AREL1: variants seen among roughly 807,000 people sequenced by gnomAD.
AREL1 encodes apoptosis resistant E3 ubiquitin protein ligase 1.
A neutral mutation model predicts 99.0 loss-of-function variants in AREL1; 62 were observed. The ratio of observed to expected loss-of-function variants is 0.63; its 90% CI spans 0.51 to 0.77. The LOEUF (loss-of-function observed/expected upper bound fraction) is 0.77. Among genes scored for constraint, AREL1 ranks in the 30% least tolerant of loss-of-function variants. The pLI is 0.00. For synonymous variants in AREL1, 380 were observed against 376.5 expected (o/e 1.01, Z -0.11); for missense variants, 879 against 1,027.6 (o/e 0.86, Z 1.98).
At chr14:74,711,185 T>C (rs1367642191) in intron 1 of AREL1, among the ~76,000 whole-genome samples, 1 of 146,688 alleles carries the variant, frequency 6.8e-6, no homozygotes, top group Non-Finnish European at 1.5e-5. Flanking sequence ...GAGCCGAGAT[T>C]GCGCCATTGC....
chr14:74,670,038 G>T lies in AREL1; in HGVS notation c.1697C>A (p.Ser566Tyr). The T allele has an allele frequency of 1.2e-6, 2 of 1,614,098 alleles. No homozygotes were observed. Among genetic ancestry groups the T allele is most frequent in the Non-Finnish European group, 1.7e-6 (2 of 1,179,994 alleles). Residue 566 changes from serine to tyrosine, a missense_variant, in exon 14 of 20, where the codon TCC becomes TAC. Transcript: ENST00000356357. ...CTGCTTGTAGGCTCCTCCTAGAGAG[G>T]ACTCATAGAGACACTTGCCCACGAG... ...GRLVGKCLYE[S>Y]SLGGAYKQLV...
At position 74,662,987 on chromosome 14, in the gene AREL1, C is replaced by T; in HGVS notation, c.*733G>A. 4.8e-6 allele frequency: 1 copy of T among 206,898 alleles called. No homozygotes were observed. Among genetic ancestry groups the T allele is most frequent in the Non-Finnish European group, 9.6e-6 (1 of 104,302 alleles). 12.8% of individuals were successfully genotyped at this position (206,898 alleles called of 1,614,324 possible). A position where few individuals can be genotyped will look rare whatever the true frequency, so the allele number is the denominator to read the frequency against. ...CTCTGGAGGCTACAGCTCAGCTATC[C>T]TTCATATTCTTCAGTCTATCTGCTT... On this transcript the variant is annotated 3_prime_UTR_variant, in exon 20 of 20. Coordinates refer to ENST00000356357, the MANE Select transcript of AREL1 (RefSeq NM_001039479.2).
intron 2 of AREL1, 142 bp downstream of exon 2, chr14:74,691,899 T>G (rs1268553351): frequency 1.2e-5 from 2 of 160,472 alleles, no homozygotes; most frequent in Non-Finnish European, 2.7e-5. Flanking sequence ...ATATTTAAAA[T>G]TGCTCTGCTG....
intron 4 of AREL1, 122 bp downstream of exon 4, chr14:74,684,332 C>T: frequency 1.2e-6 from 1 of 808,150 alleles, no homozygotes; most frequent in East Asian, 2.7e-5. Flanking sequence ...TAGCAATTCA[C>T]TAGTTCCTGG....
intron 2 of AREL1, among the ~76,000 whole-genome samples, chr14:74,687,325 G>A (rs1377929182): frequency 6.6e-6 from 1 of 152,206 alleles, no homozygotes; most frequent in African/African-American, 2.4e-5. Context: ...ACCCTTCTGT[G>A]AGAGACAGCT....
intron 16 of AREL1, 35 bp from the exon 17 acceptor site, chr14:74,667,412 C>A (rs769233140): frequency 6.2e-7 from 1 of 1,614,214 alleles, no homozygotes; most frequent in Non-Finnish European, 8.5e-7. Context: ...GTCATACCCA[C>A]ACCATGGATA....
chr14:74,707,723 G>A (rs1486316552), intron 1 of AREL1, among the ~76,000 whole-genome samples: 1 of 151,014 alleles, frequency 6.6e-6, no homozygotes, highest in Non-Finnish European at 1.5e-5. Flanking sequence ...GAACCCAGGA[G>A]GCGGAGCTTG....
At chr14:74,684,122 A>C (rs566426143) in intron 4 of AREL1, among the ~76,000 whole-genome samples, 2 of 152,334 alleles carry the variant, frequency 1.3e-5, no homozygotes, top group African/African-American at 4.8e-5. Context: ...ATACATGATG[A>C]ATGGGTGTGG....
intron 8 of AREL1, among the ~76,000 whole-genome samples, chr14:74,674,439 A>G (rs974115293): frequency 2.0e-5 from 3 of 152,098 alleles, no homozygotes; most frequent in Admixed American, 1.3e-4. Context: ...GTCTCTACTA[A>G]AAATACAAAA....
intron 2 of AREL1, among the ~76,000 whole-genome samples, chr14:74,690,270 A>G (rs2089848172): frequency 6.6e-6 from 1 of 151,096 alleles, no homozygotes; most frequent in Non-Finnish European, 1.5e-5. Flanking sequence ...TCTCCAAAAA[A>G]AAAAAAAAAA....
intron 5 of AREL1, chr14:74,678,275 TTACTTG>T: frequency 2.2e-6 from 1 of 450,184 alleles, no homozygotes; most frequent in Non-Finnish European, 4.4e-6. Flanking sequence ...AGCAGGAAGA[TTACTTG>T]AGTCCAGGAG....
intron 17 of AREL1, among the ~76,000 whole-genome samples, chr14:74,666,634 T>C (rs554901223): frequency 1.3e-5 from 2 of 150,888 alleles, no homozygotes; most frequent in East Asian, 3.9e-4. Flanking sequence ...AATATATACC[T>C]GAAAAAATAA....
intron 1 of AREL1, among the ~76,000 whole-genome samples, chr14:74,711,006 C>T (rs948798418): frequency 2.0e-5 from 3 of 151,892 alleles, no homozygotes; most frequent in Admixed American, 6.6e-5. Flanking sequence ...CCAAGGTGGG[C>T]GGATCACCTG....
At chr14:74,671,269 A>C in intron 12 of AREL1, 139 bp downstream of exon 12, 1 of 505,770 alleles carries the variant, frequency 2.0e-6, no homozygotes, top group South Asian at 3.5e-5. Context: ...TTCCTTGGGG[A>C]AAAAAAAACC....
At position 74,679,302 on chromosome 14, in the gene AREL1, G is replaced by C. The variant is rs570699818; in HGVS notation, c.482-2550C>G. ...GCCAGGTGTGGTGGCACATGCCACA[G>C]TCCCAGCAACTTGGGAGGCTGAGAT... On this transcript the variant is annotated intron_variant, in intron 5 of 19. Transcript: ENST00000356357. Among the ~76,000 whole-genome samples, 61 of 152,044 alleles carry C rather than the reference G, an allele frequency of 4.0e-4. 1 individual carries two copies. The Middle Eastern group carries it at 0.01, about 25-fold the overall frequency.
chr14:74,703,419 T>C (rs919714755), intron 1 of AREL1, among the ~76,000 whole-genome samples: 1 of 152,148 alleles, frequency 6.6e-6, no homozygotes, highest in Non-Finnish European at 1.5e-5. Context: ...CCCACAACAA[T>C]GGGAATTATG....
intron 7 of AREL1, 97 bp downstream of exon 7, chr14:74,676,044 C>T: frequency 6.5e-7 from 1 of 1,548,764 alleles, no homozygotes; most frequent in Non-Finnish European, 8.7e-7. Flanking sequence ...CAAATGTGGC[C>T]CAAATATCAA....
intron 1 of AREL1, among the ~76,000 whole-genome samples, chr14:74,711,427 C>T (rs1416591106): frequency 6.6e-6 from 1 of 151,118 alleles, no homozygotes; most frequent in African/African-American, 2.4e-5. Flanking sequence ...CCTGCAGTCC[C>T]AGCTACTCGG....
In AREL1 at chr14:74,663,877, C is replaced by T. The variant is rs985472679; in HGVS notation, c.2369+22G>A. On this transcript the variant is annotated intron_variant, in intron 19 of 19. Coordinates refer to ENST00000356357, the MANE Select transcript of AREL1 (RefSeq NM_001039479.2). The stretch of plus-strand genomic sequence containing the variant: ...CATACCACCAAAAACACTGGGCATG[C>T]ATCAGGCGGGCAGATACCTACCATG... The T allele has an allele frequency of 3.1e-6, 5 of 1,614,076 alleles. No individual in the cohort carries two copies. In the African/African-American group the frequency reaches 6.7e-5, roughly 22 times the overall value.
Sources: gnomAD v4.1 joint callset for allele counts (sites outside exome capture counted in the v4.1 genomes callset) on GRCh38, gnomAD v4.1.1 for gene constraint, MANE v1.5 for transcripts, NCBI Gene and HGNC (gene_info 2026-07-23, HGNC 2026-07-21) for gene names.